Variants in SLC44A5 observed in about 807,000 individuals in gnomAD.
SLC44A5 encodes the protein solute carrier family 44 member 5.
In SLC44A5, 57 loss-of-function variants were observed where a neutral mutation model predicts 101.8. That is an observed-to-expected ratio of 0.56 (90% CI 0.45 to 0.70). SLC44A5 has a LOEUF of 0.70. SLC44A5 is among the 30% of genes least tolerant of loss of function. The pLI is 0.00. For synonymous variants in SLC44A5, 281 were observed against 290.9 expected (o/e 0.97, Z 0.35); for missense variants, 737 against 853.1 (o/e 0.86, Z 1.70).
At chr1:75,571,664 C>T (rs1204409745) in intron 1 of SLC44A5, among the ~76,000 whole-genome samples, 1 of 152,148 alleles carries the variant, frequency 6.6e-6, no homozygotes, top group Non-Finnish European at 1.5e-5. Context: ...TTAAGATAGG[C>T]TAAGCCAAAC....
chr1:75,521,112 A>G (rs1670096356), intron 2 of SLC44A5, among the ~76,000 whole-genome samples: 1 of 152,238 alleles, frequency 6.6e-6, no homozygotes, highest in East Asian at 1.9e-4. Context: ...TCAACCTTAC[A>G]CAAGGACACA....
intron 5 of SLC44A5, among the ~76,000 whole-genome samples, chr1:75,292,804 T>TG (rs376066415): frequency 1.1e-3 from 165 of 152,350 alleles, no homozygotes; most frequent in African/African-American, 3.9e-3. Flanking sequence ...TTGAAGATCA[T>TG]GGGGTTCTGG....
At chr1:75,300,723 C>A in intron 4 of SLC44A5, 38 bp from the exon 5 acceptor site, 1 of 1,388,896 alleles carries the variant, frequency 7.2e-7, no homozygotes, top group South Asian at 1.4e-5. Context: ...TAAAAGAGGT[C>A]CCAAATGACT....
intron 2 of SLC44A5, among the ~76,000 whole-genome samples, chr1:75,460,596 G>A (rs1336223785): frequency 2.0e-5 from 3 of 152,136 alleles, no homozygotes; most frequent in Non-Finnish European, 4.4e-5. Flanking sequence ...GGGTCTTTAT[G>A]CAGCTGTGGG....
At chr1:75,526,525 A>G (rs1265784985) in intron 2 of SLC44A5, among the ~76,000 whole-genome samples, 2 of 152,162 alleles carry the variant, frequency 1.3e-5, no homozygotes, top group Non-Finnish European at 2.9e-5. Context: ...TCCCCCATTC[A>G]TATTAGACTG....
chr1:75,660,549 T>A, the SLC44A5 span, among the ~76,000 whole-genome samples: 2 of 152,152 alleles, frequency 1.3e-5, no homozygotes, highest in Non-Finnish European at 2.9e-5. Context: ...CATTTGCAGA[T>A]GACATAATTT....
chr1:75,667,107 A>T, the SLC44A5 span, among the ~76,000 whole-genome samples: 2 of 151,922 alleles, frequency 1.3e-5, no homozygotes, highest in South Asian at 2.1e-4. Flanking sequence ...CAAGAGAAAG[A>T]AAGTATTCAA....
At chr1:75,677,759 C>G in the SLC44A5 span, 1 of 439,890 alleles carries the variant, frequency 2.3e-6, no homozygotes, top group Non-Finnish European at 4.5e-6. Context: ...AAGGGAGGAA[C>G]CAAGATGGCC....
At chr1:75,589,239 A>G (rs755777347) in intron 1 of SLC44A5, among the ~76,000 whole-genome samples, 29 of 152,372 alleles carry the variant, frequency 1.9e-4, no homozygotes, top group Non-Finnish European at 2.9e-4. Flanking sequence ...ACTAAAAGCC[A>G]GATCTGAATT....
intron 2 of SLC44A5, among the ~76,000 whole-genome samples, chr1:75,411,840 T>C (rs1336919194): frequency 6.6e-6 from 1 of 152,162 alleles, no homozygotes; most frequent in Non-Finnish European, 1.5e-5. Context: ...AGCACAATGA[T>C]ATTTTGTTGT....
intron 5 of SLC44A5, among the ~76,000 whole-genome samples, chr1:75,289,803 A>G (rs1027986193): frequency 4.6e-5 from 7 of 152,232 alleles, no homozygotes; most frequent in African/African-American, 1.7e-4. Context: ...AGAGTAGAAG[A>G]TCTGAATCAT....
intron 5 of SLC44A5, among the ~76,000 whole-genome samples, chr1:75,289,930 C>A (rs1164465676): frequency 6.6e-6 from 1 of 152,200 alleles, no homozygotes; most frequent in African/African-American, 2.4e-5. Context: ...GGGTTGACCT[C>A]TAAATGGACC....
the SLC44A5 span, among the ~76,000 whole-genome samples, chr1:75,644,076 G>A: frequency 6.6e-6 from 1 of 152,020 alleles, no homozygotes. Flanking sequence ...AGTTGCTTTT[G>A]TTAAAAGATG....
chr1:75,344,655 T>C (rs992935887), intron 3 of SLC44A5, among the ~76,000 whole-genome samples: 2 of 152,148 alleles, frequency 1.3e-5, no homozygotes, highest in Non-Finnish European at 2.9e-5. Context: ...GCTTTAAAGA[T>C]GTAAGAGAGT....
intron 1 of SLC44A5, among the ~76,000 whole-genome samples, chr1:75,602,845 C>T (rs1198531437): frequency 6.6e-6 from 1 of 151,996 alleles, no homozygotes; most frequent in Non-Finnish European, 1.5e-5. Flanking sequence ...TATTTTTAAA[C>T]TTGTACGTAC....
At chr1:75,308,646 A>G (rs888046289) in intron 4 of SLC44A5, among the ~76,000 whole-genome samples, 7 of 152,234 alleles carry the variant, frequency 4.6e-5, no homozygotes, top group African/African-American at 1.7e-4. Flanking sequence ...CAGGGTGCAA[A>G]GAGACCTAGC....
intron 2 of SLC44A5, among the ~76,000 whole-genome samples, chr1:75,518,331 T>C (rs1395109136): frequency 1.3e-5 from 2 of 152,232 alleles, no homozygotes; most frequent in Non-Finnish European, 2.9e-5. Context: ...TTATAATACA[T>C]ATAAATAGGC....
chr1:75,586,509 A>T (rs1426313608), intron 1 of SLC44A5, among the ~76,000 whole-genome samples: 1 of 146,352 alleles, frequency 6.8e-6, no homozygotes, highest in Non-Finnish European at 1.5e-5. Flanking sequence ...ATACAATTTC[A>T]AAATGCTATA....
intron 5 of SLC44A5, among the ~76,000 whole-genome samples, chr1:75,298,941 A>C (rs2100854699): frequency 6.6e-6 from 1 of 152,270 alleles, no homozygotes; most frequent in Non-Finnish European, 1.5e-5. Flanking sequence ...CCAGATAAGA[A>C]AACTGAGGTT....
Sources: allele counts gnomAD v4.1 joint callset (sites outside exome capture counted in the v4.1 genomes callset), GRCh38; gene constraint gnomAD v4.1.1; transcripts MANE v1.5; gene names NCBI Gene and HGNC (gene_info 2026-07-23, HGNC 2026-07-21).